The following EML4 variants were observed in gnomAD, a reference collection of about 807,000 sequenced individuals.
The protein encoded by EML4 is EMAP like 4.
Under a neutral mutation model 129.0 loss-of-function variants are expected in EML4, and 72 were observed. The ratio of observed to expected loss-of-function variants is 0.56; its 90% confidence interval spans 0.46 to 0.68. EML4 has a LOEUF of 0.68. EML4 is among the 30% of genes least tolerant of loss of function. The pLI is 0.00. For missense variants in EML4, 1,363 were observed against 1,190.6 expected (o/e 1.14, Z -2.13); for synonymous variants, 532 against 405.0 (o/e 1.31, Z -3.77).
rs183195032 is a variant in EML4, at chr2:42,196,048, A to G, written c.25+26412A>G. On this transcript the variant is annotated intron_variant, in intron 1 of 22. Transcript: ENST00000318522. ...TTAGATATAGTATTTTATTCTCATC[A>G]AATTGAGTATGGTCATTAACTGAGA... 3.0e-3 allele frequency among the ~76,000 whole-genome samples: 461 copies of G among 152,284 alleles called. 1 individual carries two copies. Among genetic ancestry groups the G allele is most frequent in the Non-Finnish European group, 5.5e-3 (373 of 68,024 alleles).
chr2:42,194,873 T>C (rs1671810853), intron 1 of EML4, among the ~76,000 whole-genome samples: 1 of 152,194 alleles, frequency 6.6e-6, no homozygotes, highest in African/African-American at 2.4e-5. Flanking sequence ...TTTAGGTCTA[T>C]GTTCTACCTT....
chr2:42,319,659 T>C (rs1669420206), intron 19 of EML4: 1 of 152,216 alleles, frequency 6.6e-6, no homozygotes, highest in African/African-American at 2.4e-5. Context: ...GCTTACTAGT[T>C]TGTGACTTTA....
intron 1 of EML4, among the ~76,000 whole-genome samples, chr2:42,215,726 C>G (rs1373130238): frequency 1.3e-5 from 2 of 152,072 alleles, no homozygotes; most frequent in Admixed American, 1.3e-4. Flanking sequence ...TCTTCCAATC[C>G]AAACCTTAAA....
chr2:42,304,213 C>T (rs1334380567), intron 16 of EML4, among the ~76,000 whole-genome samples: 1 of 152,134 alleles, frequency 6.6e-6, no homozygotes, highest in Non-Finnish European at 1.5e-5. Flanking sequence ...TGCTAAAGAA[C>T]TGTACCAGTG....
In EML4 at chr2:42,330,268, G is replaced by C. The variant is rs1224578880; in HGVS notation, c.*61G>C. ...GCATGTGATTTTGTGATAAAGTTCA[G>C]GTAACAGGATGGGCAGTGATGGAGA... On this transcript the variant is annotated 3_prime_UTR_variant, in exon 23 of 23. Transcript: ENST00000318522. 6.7e-7 allele frequency: 1 copy of C among 1,485,822 alleles called. No individual in the cohort carries two copies. The allele number at this position is 1,485,822 out of a possible 1,614,324, so 92.0% of individuals were successfully genotyped here. A position where few individuals can be genotyped will look rare whatever the true frequency, so the allele number is the denominator to read the frequency against.
At chr2:42,262,953 T>C (rs990167201) in intron 4 of EML4, among the ~76,000 whole-genome samples, 1 of 152,198 alleles carries the variant, frequency 6.6e-6, no homozygotes, top group Non-Finnish European at 1.5e-5. Flanking sequence ...TCAGGTAATA[T>C]TTGTTCTAGT....
chr2:42,258,452 G>T (rs1211798462), intron 3 of EML4, among the ~76,000 whole-genome samples: 1 of 152,004 alleles, frequency 6.6e-6, no homozygotes, highest in Non-Finnish European at 1.5e-5. Flanking sequence ...CCAGGCTGGA[G>T]TGCAATGGCG....
intron 17 of EML4, among the ~76,000 whole-genome samples, chr2:42,309,890 T>C (rs913502222): frequency 1.3e-5 from 2 of 152,240 alleles, no homozygotes; most frequent in Admixed American, 1.3e-4. Flanking sequence ...TAGTTTAGTT[T>C]ATCTGTTCTT....
chr2:42,181,588 G>A (rs759693257), intron 1 of EML4, among the ~76,000 whole-genome samples: 1 of 152,088 alleles, frequency 6.6e-6, no homozygotes, highest in South Asian at 2.1e-4. Context: ...GAGCCACCGC[G>A]CCTGGCCAGG....
chr2:42,326,715 C>G (rs903345480), intron 21 of EML4, among the ~76,000 whole-genome samples: 1 of 152,134 alleles, frequency 6.6e-6, no homozygotes, highest in African/African-American at 2.4e-5. Context: ...AACCCTGTCT[C>G]TGCTAAAAAT....
rs919488760 is a variant in EML4, at chr2:42,218,197, A to C, written c.26-27308A>C. 2.0e-5 allele frequency among the ~76,000 whole-genome samples: 3 copies of C among 151,958 alleles called. No homozygotes were observed. The South Asian group carries it at 6.3e-4, about 32-fold the overall frequency. On this transcript the variant is annotated intron_variant, in intron 1 of 22. Transcript: ENST00000318522. ...GGCATTAGATTTTCATAGGAATGCA[A>C]ACCCTGTTGGGAACTGTGCATGCAA...
At chr2:42,329,264 G>A (rs892517159) in intron 22 of EML4, among the ~76,000 whole-genome samples, 1 of 152,108 alleles carries the variant, frequency 6.6e-6, no homozygotes, top group Non-Finnish European at 1.5e-5. Flanking sequence ...TTGTCCGGTT[G>A]CTTTTTATTT....
At position 42,244,430 on chromosome 2, in the gene EML4, T is replaced by C. The variant is rs1305221661; in HGVS notation, c.26-1075T>C. ...ATGTTTCTATATGTTTGGATTCTTA[T>C]TGACCCAACAAATACAGTAGTATAG... is the stretch of plus-strand genomic sequence containing the variant. On this transcript the variant is annotated intron_variant, in intron 1 of 22. Coordinates refer to ENST00000318522, the MANE Select transcript of EML4 (RefSeq NM_019063.5). Among the ~76,000 whole-genome samples, 3 of 152,222 alleles carry C rather than the reference T, an allele frequency of 2.0e-5. 1 individual carries two copies. The South Asian group carries it at 6.2e-4, about 31-fold the overall frequency.
At chr2:42,181,097 A>T (rs543640281) in intron 1 of EML4, among the ~76,000 whole-genome samples, 1 of 152,310 alleles carries the variant, frequency 6.6e-6, no homozygotes, top group Non-Finnish European at 1.5e-5. Flanking sequence ...CATTCTGATC[A>T]CTTGGTGTCT....
chr2:42,311,783 A>G (rs868459986), intron 17 of EML4, among the ~76,000 whole-genome samples: 1 of 152,254 alleles, frequency 6.6e-6, no homozygotes, highest in Admixed American at 6.5e-5. Flanking sequence ...AATGAGTTAC[A>G]TTCTCAGAAG....
At chr2:42,274,370 C>G (rs1298815512) in intron 6 of EML4, among the ~76,000 whole-genome samples, 2 of 152,114 alleles carry the variant, frequency 1.3e-5, no homozygotes. Context: ...CAGGTAGTAC[C>G]CATTACACAA....
intron 1 of EML4, among the ~76,000 whole-genome samples, chr2:42,226,794 T>C (rs1408548736): frequency 6.6e-6 from 1 of 152,170 alleles, no homozygotes; most frequent in Non-Finnish European, 1.5e-5. Context: ...TAGTCTGACT[T>C]AGCCATTCCA....
At chr2:42,228,404 G>T (rs180787743) in intron 1 of EML4, among the ~76,000 whole-genome samples, 1 of 152,150 alleles carries the variant, frequency 6.6e-6, no homozygotes, top group African/African-American at 2.4e-5. Context: ...TTGATTGATA[G>T]ATTTCCTCTG....
intron 16 of EML4, 87 bp downstream of exon 16, chr2:42,303,533 T>A: frequency 1.4e-6 from 2 of 1,436,010 alleles, no homozygotes; most frequent in Non-Finnish European, 1.9e-6. Flanking sequence ...AAGGACTAAG[T>A]GTTGATTCAA....
Sources: allele counts gnomAD v4.1 joint callset (sites outside exome capture counted in the v4.1 genomes callset), GRCh38; gene constraint gnomAD v4.1.1; transcripts MANE v1.5; gene names NCBI Gene and HGNC (gene_info 2026-07-23, HGNC 2026-07-21).